The following LAMA2 variants were observed in gnomAD, a reference collection of about 807,000 sequenced individuals.
LAMA2 encodes the protein laminin subunit alpha-2.
Under a neutral mutation model 364.8 loss-of-function variants are expected in LAMA2, and 269 were observed. That is an observed-to-expected ratio of 0.74 (90% CI 0.67 to 0.82). The LOEUF is 0.82. LAMA2 is among the 40% of genes least tolerant of loss of function. LAMA2 has a pLI of 0.00. For synonymous variants in LAMA2, 1,379 were observed against 1,370.6 expected (o/e 1.01, Z -0.14); for missense variants, 3,807 against 3,873.2 (o/e 0.98, Z 0.45).
chr6:129,505,370 T>C lies in LAMA2; in HGVS notation c.8703+15T>C, dbSNP rs1326406785. 4 of 1,598,386 alleles carry C rather than the reference T, an allele frequency of 2.5e-6. No homozygotes were observed. ...GAATTGGTCCAGTAAATATCTGATT[T>C]CTTCTTTATTACTTAAATATATGGC... is the stretch of plus-strand genomic sequence containing the variant. On this transcript the variant is annotated intron_variant, in intron 61 of 64. Coordinates refer to ENST00000421865, the MANE Select transcript of LAMA2 (RefSeq NM_000426.4).
At chr6:129,434,794 A>G (rs563862265) in intron 41 of LAMA2, among the ~76,000 whole-genome samples, 7 of 152,080 alleles carry the variant, frequency 4.6e-5, no homozygotes, top group Non-Finnish European at 8.8e-5. Flanking sequence ...GAAATCTGCA[A>G]TTCTTCTCTG....
chr6:129,452,823 A>G (rs1782747893), intron 45 of LAMA2, among the ~76,000 whole-genome samples, 165 bp from the exon 46 acceptor site: 1 of 152,194 alleles, frequency 6.6e-6, no homozygotes, highest in South Asian at 2.1e-4. Context: ...CTGTGCCCTC[A>G]TTAATGAGTA....
At chr6:128,955,987 AAC>A (rs1781121570) in intron 1 of LAMA2, among the ~76,000 whole-genome samples, 1 of 151,950 alleles carries the variant, frequency 6.6e-6, no homozygotes, top group Non-Finnish European at 1.5e-5. Context: ...AGCTGATCAA[AAC>A]ACATGAATTT....
At chr6:129,037,924 C>T (rs1191309698) in intron 1 of LAMA2, among the ~76,000 whole-genome samples, 1 of 151,988 alleles carries the variant, frequency 6.6e-6, no homozygotes, top group African/African-American at 2.4e-5. Flanking sequence ...CCACCTTGGC[C>T]TCCCAAAGTG....
intron 1 of LAMA2, among the ~76,000 whole-genome samples, chr6:128,900,377 A>G (rs1044160533): frequency 6.6e-6 from 1 of 152,206 alleles, no homozygotes; most frequent in Non-Finnish European, 1.5e-5. Context: ...TTACTACTGT[A>G]TCCTTACTGC....
chr6:129,369,344 T>G (rs1214077068), intron 33 of LAMA2, among the ~76,000 whole-genome samples: 2 of 152,206 alleles, frequency 1.3e-5, no homozygotes, highest in Non-Finnish European at 2.9e-5. Context: ...ATTATTTATG[T>G]TCCATAGGAA....
intron 16 of LAMA2, among the ~76,000 whole-genome samples, chr6:129,269,364 CT>C (rs370461121): frequency 6.4e-4 from 92 of 144,696 alleles, no homozygotes; most frequent in African/African-American, 1.2e-3. Flanking sequence ...AAGCTTCCAT[CT>C]TTTTTTTTTT....
rs1583767837 is a variant in LAMA2, at chr6:129,445,520, G to C, written c.6275-147G>C. ...AGTCTCAACTAAAATATTGACATTT[G>C]CCATCACACATTTTGCTTTAGCTGT... On this transcript the variant is annotated intron_variant, in intron 44 of 64. Coordinates refer to ENST00000421865, the MANE Select transcript of LAMA2 (RefSeq NM_000426.4). 8 of 683,506 alleles carry C rather than the reference G, an allele frequency of 1.2e-5. No individual in the cohort carries two copies. In the East Asian group the frequency reaches 2.2e-4, roughly 19 times the overall value. The allele number at this position is 683,506 out of a possible 1,614,324, so 42.3% of individuals were successfully genotyped here. A position where few individuals can be genotyped will look rare whatever the true frequency, so the allele number is the denominator to read the frequency against.
chr6:129,397,528 T>C (rs919762960), intron 37 of LAMA2, among the ~76,000 whole-genome samples: 1 of 152,134 alleles, frequency 6.6e-6, no homozygotes, highest in Non-Finnish European at 1.5e-5. Flanking sequence ...TAAAGTGCCA[T>C]AGAACAAACC....
intron 35 of LAMA2, among the ~76,000 whole-genome samples, chr6:129,390,287 A>T (rs1334051917): frequency 6.6e-6 from 1 of 151,920 alleles, no homozygotes; most frequent in Non-Finnish European, 1.5e-5. Flanking sequence ...TGCATTTCTA[A>T]TGGGCTCCAA....
intron 35 of LAMA2, among the ~76,000 whole-genome samples, chr6:129,389,177 C>T (rs1779184559): frequency 6.6e-6 from 1 of 152,212 alleles, no homozygotes. Flanking sequence ...TCTAGGAATA[C>T]AGCACCTGAC....
At chr6:129,503,354 C>T in intron 60 of LAMA2, 74 bp downstream of exon 60, 2 of 1,421,196 alleles carry the variant, frequency 1.4e-6, no homozygotes, top group Non-Finnish European at 2.0e-6. Context: ...CTCCTGGTGC[C>T]AGTATATTTT....
chr6:129,075,642 G>T (rs1773586279), intron 3 of LAMA2, among the ~76,000 whole-genome samples: 2 of 152,152 alleles, frequency 1.3e-5, no homozygotes, highest in South Asian at 4.1e-4. Flanking sequence ...CACCCGAATT[G>T]ATGGTGGAAC....
intron 1 of LAMA2, among the ~76,000 whole-genome samples, chr6:128,991,040 G>A (rs1485146036): frequency 1.3e-5 from 2 of 151,930 alleles, no homozygotes; most frequent in African/African-American, 2.4e-5. Flanking sequence ...CAGTTTAAAC[G>A]ACTATAAACA....
chr6:129,431,393 T>C (rs1314357666), intron 41 of LAMA2, among the ~76,000 whole-genome samples: 4 of 143,228 alleles, frequency 2.8e-5, no homozygotes, highest in Admixed American at 7.0e-5. Flanking sequence ...AGTGAGACTC[T>C]ATCTAAAAAA....
intron 40 of LAMA2, among the ~76,000 whole-genome samples, chr6:129,424,811 C>G (rs190407745): frequency 6.6e-6 from 1 of 151,970 alleles, no homozygotes. Flanking sequence ...TTCTTAAAAA[C>G]GTAAACATAA....
intron 52 of LAMA2, 77 bp downstream of exon 52, chr6:129,473,429 T>A: frequency 7.3e-7 from 1 of 1,368,030 alleles, no homozygotes; most frequent in Non-Finnish European, 1.0e-6. Flanking sequence ...TTCTGAAGTT[T>A]AATTACAATA....
At chr6:129,383,290 G>A in intron 35 of LAMA2, 57 bp downstream of exon 35, 9 of 1,304,730 alleles carry the variant, frequency 6.9e-6, no homozygotes, top group Non-Finnish European at 9.9e-6. Context: ...AACACAGAAA[G>A]GGATGACACA....
intron 9 of LAMA2, among the ~76,000 whole-genome samples, chr6:129,172,979 T>G (rs1172352930): frequency 6.6e-6 from 1 of 152,244 alleles, no homozygotes. Context: ...GAAAGGGAAC[T>G]CCCTGACCCC....
Sources: allele counts gnomAD v4.1 joint callset (sites outside exome capture counted in the v4.1 genomes callset), GRCh38; gene constraint gnomAD v4.1.1; transcripts MANE v1.5; gene names NCBI Gene and HGNC (gene_info 2026-07-23, HGNC 2026-07-21).